The following PEAK1 variants were observed in gnomAD, a reference collection of about 807,000 sequenced individuals.
The protein encoded by PEAK1 is inactive tyrosine-protein kinase PEAK1.
PEAK1 carries 54 observed loss-of-function variants against 124.7 expected under a neutral mutation model. The observed-to-expected ratio is 0.43, with a 90% CI of 0.35 to 0.54. The LOEUF is 0.54. Ranked by LOEUF, PEAK1 falls within the 20% of genes least tolerant of loss-of-function variation. PEAK1 has a pLI of 0.01. For synonymous variants in PEAK1, 719 were observed against 760.0 expected, an observed-to-expected ratio of 0.95 and a Z score of 0.89; for missense variants, 2,046 against 2,134.5, an observed-to-expected ratio of 0.96 and a Z score of 0.82.
chr15:77,309,379 T>C (rs114419108), intron 2 of PEAK1, among the ~76,000 whole-genome samples: 1,571 of 151,944 alleles, frequency 0.01, 27 homozygotes, highest in African/African-American at 0.036. Context: ...GAATGACATA[T>C]AAGGCTGCCA....
intron 7 of PEAK1, 78 bp from the exon 8 acceptor site, chr15:77,158,774 TC>T (rs1227359729): frequency 3.6e-6 from 5 of 1,379,928 alleles, no homozygotes; most frequent in Non-Finnish European, 5.1e-6. Context: ...GGCATATACT[TC>T]CCATAAATGT....
intron 2 of PEAK1, among the ~76,000 whole-genome samples, chr15:77,294,817 G>T (rs148448470): frequency 0.022 from 2,092 of 96,286 alleles, 36 homozygotes; most frequent in African/African-American, 0.058. Flanking sequence ...CATTGCTATA[G>T]GAAACTAAAC....
chr15:77,360,294 A>T (rs1392026379), intron 2 of PEAK1, among the ~76,000 whole-genome samples: 1 of 152,216 alleles, frequency 6.6e-6, no homozygotes, highest in East Asian at 1.9e-4. Context: ...TCCTAGAAGA[A>T]AACATGAGTA....
At chr15:77,251,612 C>T (rs1265714543) in intron 6 of PEAK1, among the ~76,000 whole-genome samples, 1 of 151,972 alleles carries the variant, frequency 6.6e-6, no homozygotes, top group African/African-American at 2.4e-5. Flanking sequence ...TTCTATGAAA[C>T]GAAAAAATAA....
chr15:77,170,579 G>C (rs938362746), intron 7 of PEAK1, among the ~76,000 whole-genome samples: 2 of 152,138 alleles, frequency 1.3e-5, no homozygotes, highest in Admixed American at 6.5e-5. Context: ...ATAGATATCA[G>C]GGGGCAAGAT....
At chr15:77,225,520 C>T (rs1209575087) in intron 6 of PEAK1, among the ~76,000 whole-genome samples, 1 of 151,060 alleles carries the variant, frequency 6.6e-6, no homozygotes. Context: ...TATTTATATC[C>T]TCATCTGCTG....
intron 6 of PEAK1, among the ~76,000 whole-genome samples, chr15:77,228,112 TTTTA>T (rs1479050436): frequency 5.9e-5 from 9 of 151,936 alleles, no homozygotes; most frequent in Admixed American, 2.0e-4. Flanking sequence ...TATTTCTATT[TTTTA>T]TTTATTATTA....
chr15:77,133,211 G>A lies in PEAK1; in HGVS notation c.3871C>T (p.Arg1291Ter). ...TTCAAGGCATCTGTATGAAGGCTTC[G>A]GATTTTACCCACTACTTCCTCCCGA... ...ENREEVVGKIRSLHTDALKKL... is the reference protein window; with the variant it reads ...ENREEVVGKI Residue 1291 changes from arginine to a stop codon, truncating the protein, a stop_gained, in exon 9 of 10, where the codon CGA becomes TGA. Coordinates refer to ENST00000682557, the MANE Select transcript of PEAK1 (RefSeq NM_001385026.1). LOFTEE classifies it high-confidence loss of function. This position sits in a 1 kb window ranked among gnomAD's most constrained non-coding sequence, Gnocchi z 4.2. 2.5e-6 allele frequency: 4 copies of A among 1,614,102 alleles called. No homozygotes were observed. Among genetic ancestry groups the A allele is most frequent in the Non-Finnish European group, 3.4e-6 (4 of 1,180,024 alleles).
At position 77,323,473 on chromosome 15, in the gene PEAK1, T is replaced by C. The variant is rs1255164167; in HGVS notation, c.-602-36969A>G. The stretch of plus-strand genomic sequence containing the variant: ...AATCAATGTGCAAAAATCACAAGCA[T>C]TCTTATACACCAATAACAGACAAAC... On this transcript the variant is annotated intron_variant, in intron 2 of 9. Coordinates refer to ENST00000682557, the MANE Select transcript of PEAK1 (RefSeq NM_001385026.1). Among the ~76,000 whole-genome samples the C allele has an allele frequency of 6.6e-5, 10 of 152,188 alleles. No individual in the cohort carries two copies. The East Asian group carries it at 1.9e-3, about 29-fold the overall frequency.
intron 7 of PEAK1, among the ~76,000 whole-genome samples, chr15:77,177,088 C>G (rs2056929500): frequency 6.6e-6 from 1 of 152,114 alleles, no homozygotes; most frequent in Non-Finnish European, 1.5e-5. Flanking sequence ...TCCCAAGTAG[C>G]TAGGATTACA....
chr15:77,216,021 T>C (rs1381993801), intron 6 of PEAK1, among the ~76,000 whole-genome samples: 1 of 152,210 alleles, frequency 6.6e-6, no homozygotes, highest in African/African-American at 2.4e-5. Context: ...AAAATTGTTT[T>C]AGCTATTTTA....
chr15:77,379,885 T>C (rs1264778303), intron 1 of PEAK1, among the ~76,000 whole-genome samples: 1 of 152,152 alleles, frequency 6.6e-6, no homozygotes, highest in Non-Finnish European at 1.5e-5. Context: ...CTATCCAAAA[T>C]GCTGGTTTTC....
At chr15:77,328,503 A>G (rs904626800) in intron 2 of PEAK1, among the ~76,000 whole-genome samples, 9 of 152,196 alleles carry the variant, frequency 5.9e-5, no homozygotes, top group African/African-American at 1.7e-4. Flanking sequence ...GAAGACAAAC[A>G]AAATATAAAG....
chr15:77,393,779 T>C (rs928836864), intron 1 of PEAK1, among the ~76,000 whole-genome samples: 15 of 152,198 alleles, frequency 9.9e-5, no homozygotes, highest in African/African-American at 3.6e-4. Context: ...GTCTTACAGC[T>C]TACCAGTGCA....
At chr15:77,359,008 T>C (rs946951624) in intron 2 of PEAK1, among the ~76,000 whole-genome samples, 17 of 152,226 alleles carry the variant, frequency 1.1e-4, no homozygotes, top group Non-Finnish European at 2.4e-4. Flanking sequence ...TTATCTCATA[T>C]ACTTTCTGAC....
chr15:77,181,019 C>A lies in PEAK1; in HGVS notation c.908G>T (p.Arg303Ile), dbSNP rs771512988. ...GTCATCATAGTCCACAGCACAGATT[C>A]TCTGCAGAGACTTGTTTCGCAGGGG... ...TIPLRNKSLQ[R>I]ICAVDYDDSY... Residue 303 changes from arginine (R) to isoleucine (I), a missense_variant, in exon 7 of 10, where the codon AGA becomes ATA. Coordinates refer to ENST00000682557, the MANE Select transcript of PEAK1 (RefSeq NM_001385026.1). 1.2e-6 allele frequency: 2 copies of A among 1,614,182 alleles called. No individual in the cohort carries two copies. Among genetic ancestry groups the A allele is most frequent in the Non-Finnish European group, 1.7e-6 (2 of 1,180,004 alleles).
intron 2 of PEAK1, among the ~76,000 whole-genome samples, chr15:77,358,368 C>T (rs546800184): frequency 6.6e-6 from 1 of 152,244 alleles, no homozygotes; most frequent in East Asian, 1.9e-4. Flanking sequence ...CTTCATCTCC[C>T]ATTCACTGCT....
intron 1 of PEAK1, chr15:77,418,410 T>C (rs1595897582): frequency 1.0e-6 from 1 of 985,280 alleles, no homozygotes; most frequent in African/African-American, 1.7e-5. Context: ...AATATTTCCC[T>C]TTCCCCCCCG....
At chr15:77,210,155 A>G (rs1310647096) in intron 6 of PEAK1, among the ~76,000 whole-genome samples, 1 of 152,220 alleles carries the variant, frequency 6.6e-6, no homozygotes, top group Non-Finnish European at 1.5e-5. Context: ...AACTATCCTT[A>G]TATTTACTTC....
Sources: allele counts gnomAD v4.1 joint callset (sites outside exome capture counted in the v4.1 genomes callset), GRCh38; gene constraint gnomAD v4.1.1; non-coding constraint Gnocchi (gnomAD v3.1); transcripts MANE v1.5; gene names NCBI Gene and HGNC (gene_info 2026-07-23, HGNC 2026-07-21).